The following ARHGAP23 variants were observed in gnomAD, a reference collection of about 807,000 sequenced individuals.
ARHGAP23 encodes the protein rho GTPase-activating protein 23.
ARHGAP23 carries 34 observed loss-of-function variants against 136.3 expected under a neutral mutation model. The ratio of observed to expected loss-of-function variants is 0.25; its 90% CI spans 0.19 to 0.33. ARHGAP23 has a LOEUF of 0.33. Among genes scored for constraint, ARHGAP23 ranks in the 10% least tolerant of loss-of-function variants. The probability of loss-of-function intolerance (pLI) is 1.00; values close to 1 mark genes in which losing one functional copy is unlikely to be tolerated. For missense variants in ARHGAP23, 1,808 were observed against 2,139.0 expected (o/e 0.85, Z 3.05); for synonymous variants, 832 against 920.5 (o/e 0.90, Z 1.74).
In ARHGAP23 at chr17:38,479,742, T is replaced by A. The variant is rs965732343; in HGVS notation, c.2499-11T>A. The stretch of plus-strand genomic sequence containing the variant: ...ATGAAGACCTCTCCTCTCCCCCTTT[T>A]TCCTACACAGCCATAGCTCTGGGCC... On this transcript the variant is annotated splice_polypyrimidine_tract_variant and intron_variant, in intron 13 of 23. Coordinates refer to ENST00000622683, the MANE Select transcript of ARHGAP23 (RefSeq NM_001199417.2). 4 of 1,467,510 alleles carry A rather than the reference T, an allele frequency of 2.7e-6. No individual in the cohort carries two copies. The highest frequency in any genetic ancestry group is 3.6e-6 in the Non-Finnish European group (4 of 1,108,250). 90.9% of individuals were successfully genotyped at this position (1,467,510 alleles called of 1,614,324 possible). A position where few individuals can be genotyped will look rare whatever the true frequency, so the allele number is the denominator to read the frequency against.
intron 1 of ARHGAP23, among the ~76,000 whole-genome samples, chr17:38,441,586 A>AT (rs1203587051): frequency 1.2e-4 from 18 of 152,264 alleles, no homozygotes; most frequent in African/African-American, 4.1e-4. Flanking sequence ...GATGAGGCGT[A>AT]TAATGAGGTG....
intron 1 of ARHGAP23, among the ~76,000 whole-genome samples, chr17:38,448,342 T>A (rs185269616): frequency 3.3e-5 from 5 of 152,290 alleles, no homozygotes; most frequent in Admixed American, 1.3e-4. Flanking sequence ...TCAGTGTGAC[T>A]GTGATGACTA....
rs1376517791 is a variant in ARHGAP23, at chr17:38,477,818, T to C, written c.2358T>C (p.Tyr786=). 3.9e-6 allele frequency: 6 copies of C among 1,549,892 alleles called. No homozygotes were observed. The highest frequency in any genetic ancestry group is 5.2e-6 in the Non-Finnish European group (6 of 1,146,572). The change falls in exon 12 of 24, where the codon TAT becomes TAC. Residue 786 remains tyrosine (Y), a synonymous_variant. Coordinates refer to ENST00000622683, the MANE Select transcript of ARHGAP23 (RefSeq NM_001199417.2). The surrounding 1 kb of genome is among the most constrained non-coding windows in gnomAD (Gnocchi z 6.6). ...FRLTTADFCE[Y]LFQAEDRDDM... ...TGACCACCGCTGACTTCTGTGAATATCTCTTTCAGGCTGAGGACCGGGATG... is the reference window on the plus strand; with the variant it reads ...TGACCACCGCTGACTTCTGTGAATACCTCTTTCAGGCTGAGGACCGGGATG...
chr17:38,485,902 G>A (rs1415756495), intron 16 of ARHGAP23, among the ~76,000 whole-genome samples, 160 bp from the exon 17 acceptor site: 2 of 152,210 alleles, frequency 1.3e-5, no homozygotes, highest in African/African-American at 2.4e-5. Flanking sequence ...CCTCTCTGGG[G>A]ACTCAGTTCT....
At chr17:38,496,730 G>T (rs543520950) in intron 20 of ARHGAP23, among the ~76,000 whole-genome samples, 87 of 152,112 alleles carry the variant, frequency 5.7e-4, no homozygotes, top group Non-Finnish European at 1.1e-3. Context: ...GAGGTGGGCG[G>T]ATCACTTGAG....
chr17:38,478,211 G>C (rs2039944444), intron 12 of ARHGAP23, among the ~76,000 whole-genome samples: 1 of 152,194 alleles, frequency 6.6e-6, no homozygotes, highest in African/African-American at 2.4e-5. Context: ...CTCCAGGCCA[G>C]TCTCAGCTTT....
At chr17:38,464,993 G>C (rs1242797442) in intron 6 of ARHGAP23, among the ~76,000 whole-genome samples, 1 of 152,096 alleles carries the variant, frequency 6.6e-6, no homozygotes, top group Non-Finnish European at 1.5e-5. Flanking sequence ...AGCCGAGAGA[G>C]AGTCGGGTGG....
At chr17:38,429,991 A>G (rs930445020) in intron 1 of ARHGAP23, among the ~76,000 whole-genome samples, 1 of 152,132 alleles carries the variant, frequency 6.6e-6, no homozygotes, top group African/African-American at 2.4e-5. Context: ...AAGGCAGCCC[A>G]AAGGCCCCCG....
chr17:38,440,162 G>A (rs1232710624), intron 1 of ARHGAP23, among the ~76,000 whole-genome samples: 1 of 152,122 alleles, frequency 6.6e-6, no homozygotes, highest in Non-Finnish European at 1.5e-5. Flanking sequence ...GGAACTATAG[G>A]CACGCACCAC....
chr17:38,453,699 C>T (rs1423705267), intron 1 of ARHGAP23: 11 of 149,612 alleles, frequency 7.4e-5, no homozygotes, highest in Non-Finnish European at 1.3e-4. Context: ...CGCCTTCAGC[C>T]GGGAGGCGCA....
At chr17:38,473,445 C>T (rs2039812845) in intron 11 of ARHGAP23, among the ~76,000 whole-genome samples, 1 of 152,144 alleles carries the variant, frequency 6.6e-6, no homozygotes, top group Non-Finnish European at 1.5e-5. Context: ...TGTTATCCTA[C>T]CCCAAGGGCT....
At chr17:38,423,992 G>A (rs993309235), upstream of ARHGAP23, among the ~76,000 whole-genome samples, 2 of 152,138 alleles carry the variant, frequency 1.3e-5, no homozygotes. Flanking sequence ...TCAAATCAGA[G>A]GCAGGCCGAG....
intron 1 of ARHGAP23, among the ~76,000 whole-genome samples, chr17:38,421,681 G>A (rs866716500): frequency 1.2e-4 from 18 of 152,360 alleles, no homozygotes; most frequent in Middle Eastern, 3.4e-3. Flanking sequence ...GGTGGGGTGA[G>A]TGCCAGGACT....
rs763716843 is a variant in ARHGAP23, at chr17:38,460,935, A to G, written c.253+3A>G. 13 of 1,535,904 alleles carry G rather than the reference A, an allele frequency of 8.5e-6. No homozygotes were observed. The South Asian group carries it at 1.5e-4, about 18-fold the overall frequency. Reference sequence around the variant, plus strand: ...AGAGAATGGAGGCCGTGGAGGAGGTAAGGGAGGACTGGCGGGCGCTGGACC... The same window carrying G: ...AGAGAATGGAGGCCGTGGAGGAGGTGAGGGAGGACTGGCGGGCGCTGGACC... On this transcript the variant is annotated splice_donor_region_variant and intron_variant, in intron 3 of 23. Transcript: ENST00000622683.
chr17:38,506,144 C>T (rs1466174070), intron 23 of ARHGAP23, among the ~76,000 whole-genome samples: 1 of 152,104 alleles, frequency 6.6e-6, no homozygotes, highest in Non-Finnish European at 1.5e-5. Flanking sequence ...ATCGCTGATT[C>T]CTAAGTTTAA....
chr17:38,480,983 T>A (rs546135163), intron 14 of ARHGAP23, among the ~76,000 whole-genome samples: 16 of 151,840 alleles, frequency 1.1e-4, no homozygotes, highest in East Asian at 1.9e-4. Context: ...ATATTTTTTT[T>A]ATATATTATT....
intron 3 of ARHGAP23, among the ~76,000 whole-genome samples, chr17:38,461,593 G>C (rs1340980293): frequency 6.6e-6 from 1 of 152,250 alleles, no homozygotes; most frequent in East Asian, 1.9e-4. Flanking sequence ...CGCTGACCTA[G>C]AGCGGCCCAT....
chr17:38,485,132 A>C lies in ARHGAP23; in HGVS notation c.2908-930A>C, dbSNP rs36059466. ...CATTTATTTTAGAGTAGGGTTTCTCAATCTCAGTGGACATTTTGGGAAGAA... is the reference window on the plus strand; with the variant it reads ...CATTTATTTTAGAGTAGGGTTTCTCCATCTCAGTGGACATTTTGGGAAGAA... On this transcript the variant is annotated intron_variant, in intron 16 of 23. Coordinates refer to ENST00000622683, the MANE Select transcript of ARHGAP23 (RefSeq NM_001199417.2). 2.2e-3 allele frequency among the ~76,000 whole-genome samples: 333 copies of C among 152,204 alleles called. 1 individual carries two copies. Among genetic ancestry groups the C allele is most frequent in the Admixed American group, 3.2e-3 (49 of 15,282 alleles).
intron 22 of ARHGAP23, chr17:38,499,104 C>T: frequency 3.2e-6 from 2 of 625,774 alleles, no homozygotes; most frequent in Non-Finnish European, 5.8e-6. Context: ...CTTACCCCAG[C>T]AGTCCATGCC....
Sources: allele counts gnomAD v4.1 joint callset (sites outside exome capture counted in the v4.1 genomes callset), GRCh38; gene constraint gnomAD v4.1.1; non-coding constraint Gnocchi (gnomAD v3.1); transcripts MANE v1.5; gene names NCBI Gene and HGNC (gene_info 2026-07-23, HGNC 2026-07-21).